The following EVC variants were observed in gnomAD, a reference collection of about 807,000 sequenced individuals.
EVC encodes evC complex member EVC.
Under a neutral mutation model 118.9 loss-of-function variants are expected in EVC, and 116 were observed. The observed-to-expected ratio is 0.98, with a 90% CI of 0.84 to 1.14. EVC has a LOEUF of 1.14. EVC is among the 50% of genes most tolerant of loss of function. EVC has a pLI of 0.00. For synonymous variants in EVC, 619 were observed against 534.7 expected, an observed-to-expected ratio of 1.16 and a Z score of -2.18; for missense variants, 1,401 against 1,246.4, an observed-to-expected ratio of 1.12 and a Z score of -1.87.
chr4:5,815,498 A>C (rs1717528594), downstream of EVC, among the ~76,000 whole-genome samples: 1 of 152,092 alleles, frequency 6.6e-6, no homozygotes, highest in African/African-American at 2.4e-5. Flanking sequence ...TAGAGGGTAA[A>C]GCGTGATTTA....
At position 5,719,217 on chromosome 4, in the gene EVC, C is replaced by T; in HGVS notation, c.175-31C>T. The T allele has an allele frequency of 6.2e-7, 1 of 1,613,948 alleles. No individual in the cohort carries two copies. Among genetic ancestry groups the T allele is most frequent in the Non-Finnish European group, 8.5e-7 (1 of 1,179,902 alleles). On this transcript the variant is annotated intron_variant, in intron 1 of 20. Coordinates refer to ENST00000264956, the MANE Select transcript of EVC (RefSeq NM_153717.3). The surrounding 1 kb of genome is among the most constrained non-coding windows in gnomAD (Gnocchi z 4.7). ...ACTGACCTCAATGTTGTGTTTCTAT[C>T]CACCCCCAACTCCTGACCTTCGGGT...
In EVC at chr4:5,812,197, C is replaced by A. The variant is rs1717019228; in HGVS notation, c.*1160C>A. ...CTCACCTGGAGAGAAACTTCCAGAC[C>A]AGCCCCTCACACCACCGCCAGGAGA... On this transcript the variant is annotated 3_prime_UTR_variant, in exon 21 of 21. Coordinates refer to ENST00000264956, the MANE Select transcript of EVC (RefSeq NM_153717.3). 1 of 161,766 alleles carries A rather than the reference C, an allele frequency of 6.2e-6. No homozygotes were observed. Among genetic ancestry groups the A allele is most frequent in the Non-Finnish European group, 1.3e-5 (1 of 77,560 alleles). 10.0% of individuals were successfully genotyped at this position (161,766 alleles called of 1,614,324 possible).
intron 2 of EVC, among the ~76,000 whole-genome samples, chr4:5,722,492 C>G (rs1725122810): frequency 6.6e-6 from 1 of 152,180 alleles, no homozygotes; most frequent in Non-Finnish European, 1.5e-5. Flanking sequence ...CGAGCTATAA[C>G]TTTCTTGTCC....
the EVC span, chr4:5,828,181 C>T: frequency 1.0e-6 from 1 of 985,412 alleles, no homozygotes; most frequent in African/African-American, 1.7e-5. Flanking sequence ...GGCAGGATTA[C>T]TTAAGATGAC....
At chr4:5,777,466 C>A (rs1458540569) in intron 11 of EVC, among the ~76,000 whole-genome samples, 1 of 152,164 alleles carries the variant, frequency 6.6e-6, no homozygotes, top group African/African-American at 2.4e-5. Flanking sequence ...CTCAGCTGTT[C>A]AGCCATCCCC....
chr4:5,822,343 C>G, the EVC span, among the ~76,000 whole-genome samples: 3 of 152,152 alleles, frequency 2.0e-5, no homozygotes, highest in African/African-American at 7.2e-5. Flanking sequence ...TTTCAAAGCC[C>G]ATGATCTTAG....
Position 5,778,609 on chromosome 4 carries a change from A to G in EVC, c.1564-4943A>G, listed in dbSNP as rs538202901. 1.6e-3 allele frequency among the ~76,000 whole-genome samples: 246 copies of G among 152,050 alleles called. 4 individuals are homozygous for G. The highest frequency in any genetic ancestry group is 6.2e-3 in the Admixed American group (94 of 15,284). ...GGCCATTGATGGTGAGCATTTTTTC[A>G]TGTGTTTTTTTGGCTGCATCAATGT... On this transcript the variant is annotated intron_variant, in intron 11 of 20. Transcript: ENST00000264956.
At chr4:5,752,541 A>G (rs1730542253) in intron 8 of EVC, 1 of 498,572 alleles carries the variant, frequency 2.0e-6, no homozygotes, top group East Asian at 3.7e-5. Context: ...CCGTTTGTAA[A>G]TCTGGATTCC....
At chr4:5,827,676 G>GTGCATGCATGTACACATGCACACA in the EVC span, among the ~76,000 whole-genome samples, 1 of 151,342 alleles carries the variant, frequency 6.6e-6, no homozygotes, top group Non-Finnish European at 1.5e-5. Flanking sequence ...ACATACACAC[G>GTGCATGCATGTACACATGCACACA]TGCATGCATG....
At position 5,811,280 on chromosome 4, in the gene EVC, A is replaced by T; in HGVS notation, c.*243A>T. 2.0e-6 allele frequency: 1 copy of T among 490,886 alleles called. No individual in the cohort carries two copies. Among genetic ancestry groups the T allele is most frequent in the South Asian group, 2.1e-5 (1 of 48,326 alleles). 30.4% of individuals were successfully genotyped at this position (490,886 alleles called of 1,614,324 possible). ...TGAGTTTGCATTTCATTTGGCTTGG[A>T]GCCCTGGCTCGATGCCTCATGGATC... On this transcript the variant is annotated 3_prime_UTR_variant, in exon 21 of 21. Transcript: ENST00000264956.
intron 11 of EVC, among the ~76,000 whole-genome samples, chr4:5,772,523 G>C (rs985367157): frequency 6.6e-6 from 1 of 152,028 alleles, no homozygotes; most frequent in African/African-American, 2.4e-5. Flanking sequence ...AATGCCTCCT[G>C]TTGTTCTCAA....
intron 11 of EVC, among the ~76,000 whole-genome samples, chr4:5,762,147 C>T (rs186666927): frequency 0.061 from 7,773 of 128,350 alleles, 482 homozygotes; most frequent in South Asian, 0.1. Context: ...TGAGAATATG[C>T]GGTGTTTGGT....
chr4:5,819,987 G>A, the EVC span, among the ~76,000 whole-genome samples: 2 of 152,168 alleles, frequency 1.3e-5, no homozygotes, highest in Non-Finnish European at 2.9e-5. Flanking sequence ...AAAGCCATCT[G>A]CCTCAAATGC....
At chr4:5,771,113 T>C (rs536170537) in intron 11 of EVC, among the ~76,000 whole-genome samples, 1 of 152,254 alleles carries the variant, frequency 6.6e-6, no homozygotes, top group Admixed American at 6.5e-5. Context: ...CTATAACTAA[T>C]GACCACAAAC....
At chr4:5,751,038 C>T (rs950965712) in intron 8 of EVC, among the ~76,000 whole-genome samples, 5 of 152,270 alleles carry the variant, frequency 3.3e-5, no homozygotes, top group African/African-American at 9.6e-5. Flanking sequence ...GATTCAGTTT[C>T]TTGAGACTCA....
chr4:5,745,148 G>A lies in EVC; in HGVS notation c.802-56G>A. 2.6e-6 allele frequency: 4 copies of A among 1,529,554 alleles called. No homozygotes were observed. The South Asian group carries it at 4.7e-5, about 18-fold the overall frequency. The allele number at this position is 1,529,554 out of a possible 1,614,324, so 94.7% of individuals were successfully genotyped here. A position where few individuals can be genotyped will look rare whatever the true frequency, so the allele number is the denominator to read the frequency against. ...AAGCATTTATTTTTCTAGAATTTAA[G>A]ACACGCTAAACTTTTTCTTTGTTTA... is the stretch of plus-strand genomic sequence containing the variant. On this transcript the variant is annotated intron_variant, in intron 6 of 20. Transcript: ENST00000264956.
At chr4:5,814,360 AC>A, downstream of EVC, 1 of 151,284 alleles carries the variant, frequency 6.6e-6, no homozygotes, top group East Asian at 2.0e-4. Flanking sequence ...GGTTTTTTGT[AC>A]TCCCCCAGGG....
intron 7 of EVC, 30 bp from the exon 8 acceptor site, chr4:5,748,118 C>T (rs1729645150): frequency 8.1e-6 from 13 of 1,613,782 alleles, no homozygotes; most frequent in Non-Finnish European, 1.0e-5. Context: ...TTTTTCACCT[C>T]ACTTCTTGCT....
Position 5,783,637 on chromosome 4 carries a change from C to T in EVC, c.1649C>T (p.Pro550Leu). The change falls in exon 12 of 21, where the codon CCC becomes CTC. Residue 550 changes from proline to leucine, a missense_variant. By Grantham distance (98) the Pro-to-Leu change is moderately conservative. Coordinates refer to ENST00000264956, the MANE Select transcript of EVC (RefSeq NM_153717.3). ...ACGCTCCCTGGCATGACTGGCCTCC[C>T]CCCGGAAGAGTGTGACTACTTGAGG... ...LQTLPGMTGL[P>L]PEECDYLRQE... 1.9e-6 allele frequency: 3 copies of T among 1,614,184 alleles called. No homozygotes were observed. The highest frequency in any genetic ancestry group is 1.3e-5 in the African/African-American group (1 of 75,040).
Sources: gnomAD v4.1 joint callset for allele counts (sites outside exome capture counted in the v4.1 genomes callset) on GRCh38, gnomAD v4.1.1 for gene constraint, Gnocchi (gnomAD v3.1) non-coding constraint, MANE v1.5 for transcripts, NCBI Gene and HGNC (gene_info 2026-07-23, HGNC 2026-07-21) for gene names.